Variants in SEMA4D observed in about 807,000 individuals in gnomAD.
SEMA4D encodes the protein semaphorin-4D.
SEMA4D carries 22 observed loss-of-function variants against 74.8 expected under a neutral mutation model. The ratio of observed to expected loss-of-function variants is 0.29; its 90% CI spans 0.21 to 0.42. The LOEUF is 0.42. Among genes scored for constraint, SEMA4D ranks in the 10% least tolerant of loss-of-function variants. The probability of loss-of-function intolerance (pLI) is 1.00; values close to 1 mark genes in which losing one functional copy is unlikely to be tolerated. For synonymous variants in SEMA4D, 445 were observed against 463.7 expected, an observed-to-expected ratio of 0.96 and a Z score of 0.52; for missense variants, 937 against 1,118.4, an observed-to-expected ratio of 0.84 and a Z score of 2.31.
chr9:89,459,797 AC>A (rs1364437421), intron 1 of SEMA4D, among the ~76,000 whole-genome samples: 2 of 152,218 alleles, frequency 1.3e-5, no homozygotes, highest in Non-Finnish European at 2.9e-5. Context: ...CCCACACGCC[AC>A]AAGACCCAGG....
chr9:89,429,595 C>T (rs1010348170), intron 2 of SEMA4D, among the ~76,000 whole-genome samples: 3 of 152,292 alleles, frequency 2.0e-5, no homozygotes, highest in African/African-American at 7.2e-5. Context: ...TCATTCAAAT[C>T]GGTTTCTTAA....
intron 2 of SEMA4D, among the ~76,000 whole-genome samples, chr9:89,414,623 A>T (rs1845300214): frequency 6.6e-6 from 1 of 152,202 alleles, no homozygotes; most frequent in Admixed American, 6.5e-5. Context: ...AAATGGCCTT[A>T]TCCCATCAGG....
rs1855839411 is a variant in SEMA4D, at chr9:89,456,003, T to G, written c.-309-50A>C. 3 of 152,240 alleles carry G rather than the reference T, an allele frequency of 2.0e-5. 1 individual carries two copies. Among genetic ancestry groups the G allele is most frequent in the Admixed American group, 2.0e-4 (3 of 15,284 alleles). 9.4% of individuals were successfully genotyped at this position (152,240 alleles called of 1,614,324 possible). A position where few individuals can be genotyped will look rare whatever the true frequency, so the allele number is the denominator to read the frequency against. The stretch of plus-strand genomic sequence containing the variant: ...CATTTTAGCAGGATAAACTACCAGA[T>G]TCCCTTACAATATACATACACACAA... On this transcript the variant is annotated intron_variant, in intron 1 of 15. Coordinates refer to ENST00000422704, the MANE Select transcript of SEMA4D (RefSeq NM_001371194.2).
At chr9:89,419,169 G>A (rs879562197) in intron 2 of SEMA4D, among the ~76,000 whole-genome samples, 1 of 152,162 alleles carries the variant, frequency 6.6e-6, no homozygotes, top group African/African-American at 2.4e-5. Context: ...AATGAACCGC[G>A]AGGGCAGTGA....
chr9:89,437,623 A>G (rs1231919709), intron 2 of SEMA4D, among the ~76,000 whole-genome samples: 1 of 152,180 alleles, frequency 6.6e-6, no homozygotes, highest in Admixed American at 6.5e-5. Context: ...CATGTGTGCC[A>G]GCGGCAAGGG....
At chr9:89,403,097 T>TC in intron 3 of SEMA4D, 81 bp from the exon 4 acceptor site, 1 of 1,502,954 alleles carries the variant, frequency 6.7e-7, no homozygotes. Context: ...ACATCCTAGG[T>TC]CCCTGTCTCA....
chr9:89,400,770 G>A (rs912062453), intron 4 of SEMA4D, among the ~76,000 whole-genome samples: 1 of 149,308 alleles, frequency 6.7e-6, no homozygotes, highest in East Asian at 2.2e-4. Flanking sequence ...GATGCTTGGC[G>A]GGGGTCTCTT....
At chr9:89,438,734 C>T (rs992020954) in intron 2 of SEMA4D, among the ~76,000 whole-genome samples, 19 of 151,748 alleles carry the variant, frequency 1.3e-4, no homozygotes, top group East Asian at 7.7e-4. Context: ...GGCGCAATCT[C>T]GGCTCACTGC....
intron 2 of SEMA4D, among the ~76,000 whole-genome samples, chr9:89,440,082 G>A (rs1447752372): frequency 6.6e-6 from 1 of 152,202 alleles, no homozygotes; most frequent in Admixed American, 6.5e-5. Flanking sequence ...CACAGAGAAT[G>A]GAGCCACGAT....
At chr9:89,420,624 A>G (rs1359838587) in intron 2 of SEMA4D, among the ~76,000 whole-genome samples, 1 of 152,252 alleles carries the variant, frequency 6.6e-6, no homozygotes, top group African/African-American at 2.4e-5. Flanking sequence ...TCCATCCTGC[A>G]GACATGACCT....
At chr9:89,415,971 T>C (rs1211176705) in intron 2 of SEMA4D, among the ~76,000 whole-genome samples, 1 of 152,218 alleles carries the variant, frequency 6.6e-6, no homozygotes, top group Non-Finnish European at 1.5e-5. Context: ...AGACATTATA[T>C]AGAAAAGTTT....
At chr9:89,437,921 G>GTATCTCGAAACT (rs1850812345) in intron 2 of SEMA4D, among the ~76,000 whole-genome samples, 1 of 152,236 alleles carries the variant, frequency 6.6e-6, no homozygotes, top group Non-Finnish European at 1.5e-5. Flanking sequence ...CCAAGGATGA[G>GTATCTCGAAACT]CCATCCAACC....
intron 2 of SEMA4D, among the ~76,000 whole-genome samples, chr9:89,454,925 C>A (rs1855570268): frequency 6.6e-6 from 1 of 152,262 alleles, no homozygotes; most frequent in South Asian, 2.1e-4. Context: ...GGAAGCTGCC[C>A]CGGGTGGCTC....
At chr9:89,421,839 G>A (rs1257136708) in intron 2 of SEMA4D, among the ~76,000 whole-genome samples, 2 of 152,144 alleles carry the variant, frequency 1.3e-5, no homozygotes, top group Non-Finnish European at 1.5e-5. Context: ...AGGCTCATCA[G>A]AAGGATGATT....
At chr9:89,476,803 G>A (rs148446335) in intron 1 of SEMA4D, among the ~76,000 whole-genome samples, 202 of 152,254 alleles carry the variant, frequency 1.3e-3, no homozygotes, top group African/African-American at 4.6e-3. Context: ...TCCCCACTTC[G>A]GAGCAGAACC....
downstream of SEMA4D, among the ~76,000 whole-genome samples, chr9:89,375,452 C>G (rs536269669): frequency 1.3e-5 from 2 of 152,198 alleles, no homozygotes; most frequent in African/African-American, 4.8e-5. Context: ...GTGCTGGCTG[C>G]CAAGGGACAT....
chr9:89,458,437 G>A (rs1588045586), intron 1 of SEMA4D, among the ~76,000 whole-genome samples: 3 of 152,004 alleles, frequency 2.0e-5, no homozygotes, highest in African/African-American at 7.3e-5. Flanking sequence ...CCAACCCATG[G>A]CTGGTCACAC....
At chr9:89,441,959 T>A (rs1851761046) in intron 2 of SEMA4D, among the ~76,000 whole-genome samples, 1 of 152,212 alleles carries the variant, frequency 6.6e-6, no homozygotes, top group African/African-American at 2.4e-5. Flanking sequence ...TCCCCATGGC[T>A]GTGTTTACAC....
intron 2 of SEMA4D, among the ~76,000 whole-genome samples, chr9:89,437,266 G>A (rs1020439493): frequency 2.0e-5 from 3 of 152,202 alleles, no homozygotes; most frequent in African/African-American, 7.2e-5. Flanking sequence ...GTGCAGCTCT[G>A]GCAGTTTTTA....
Sources: allele counts gnomAD v4.1 joint callset (sites outside exome capture counted in the v4.1 genomes callset), GRCh38; gene constraint gnomAD v4.1.1; transcripts MANE v1.5; gene names NCBI Gene and HGNC (gene_info 2026-07-23, HGNC 2026-07-21).